PELI2: variants seen among roughly 807,000 people sequenced by gnomAD.
PELI2 encodes the protein E3 ubiquitin-protein ligase pellino homolog 2.
A neutral mutation model predicts 42.3 loss-of-function variants in PELI2; 23 were observed. That is an observed-to-expected ratio of 0.54 (90% CI 0.39 to 0.77). The LOEUF is 0.77. Among genes scored for constraint, PELI2 ranks in the 30% least tolerant of loss-of-function variants. The pLI, the probability that PELI2 is intolerant of heterozygous loss-of-function variation, is 0.00. For missense variants in PELI2, 463 were observed against 553.2 expected (o/e 0.84, Z 1.64); for synonymous variants, 245 against 212.2 (o/e 1.15, Z -1.34).
In PELI2 at chr14:56,273,031, C is replaced by G. The variant is rs769416205; in HGVS notation, c.208-6645C>G. ...AAACTACCACAGAATTTAGTGAGTT[C>G]ACAAAAACCTTCTGTTTTATTCATT... is the stretch of plus-strand genomic sequence containing the variant. On this transcript the variant is annotated intron_variant, in intron 2 of 5. Coordinates refer to ENST00000267460, the MANE Select transcript of PELI2 (RefSeq NM_021255.3). This position sits in a 1 kb window ranked among gnomAD's most constrained non-coding sequence, Gnocchi z 4.3. Among the ~76,000 whole-genome samples, 1 of 152,168 alleles carries G rather than the reference C, an allele frequency of 6.6e-6. No individual in the cohort carries two copies. Among genetic ancestry groups the G allele is most frequent in the South Asian group, 2.1e-4 (1 of 4,832 alleles).
chr14:56,148,442 A>G (rs1179594907), intron 1 of PELI2, among the ~76,000 whole-genome samples: 1 of 152,194 alleles, frequency 6.6e-6, no homozygotes, highest in Non-Finnish European at 1.5e-5. Context: ...TGCCTGCATC[A>G]GTTCCCTCTG....
At chr14:56,152,367 G>A (rs145713049) in intron 1 of PELI2, among the ~76,000 whole-genome samples, 92 of 152,266 alleles carry the variant, frequency 6.0e-4, no homozygotes, top group African/African-American at 2.0e-3. Context: ...TCTGGACAGG[G>A]CTTGACACAA....
At chr14:56,167,976 G>A (rs993720896) in intron 1 of PELI2, among the ~76,000 whole-genome samples, 3 of 152,178 alleles carry the variant, frequency 2.0e-5, no homozygotes, top group Non-Finnish European at 4.4e-5. Flanking sequence ...TCTCTGGATT[G>A]CCAGGCAGAG....
intron 2 of PELI2, among the ~76,000 whole-genome samples, chr14:56,178,829 T>C (rs767640831): frequency 1.3e-5 from 2 of 152,226 alleles, no homozygotes; most frequent in Non-Finnish European, 2.9e-5. Context: ...TGATTTGGAA[T>C]AGATGTAGTT....
chr14:56,179,939 G>T (rs1329753373), intron 2 of PELI2, among the ~76,000 whole-genome samples: 2 of 152,048 alleles, frequency 1.3e-5, no homozygotes, highest in African/African-American at 4.8e-5. Flanking sequence ...TAGAAATATT[G>T]CTTTGATTAC....
chr14:56,274,787 C>G (rs1190066677), intron 2 of PELI2, among the ~76,000 whole-genome samples: 2 of 152,184 alleles, frequency 1.3e-5, no homozygotes. Flanking sequence ...GAAGAAAATA[C>G]TTGACTCACA....
At chr14:56,200,619 G>A (rs919239074) in intron 2 of PELI2, among the ~76,000 whole-genome samples, 6 of 152,178 alleles carry the variant, frequency 3.9e-5, no homozygotes, top group Non-Finnish European at 7.4e-5. Context: ...AAATACACAC[G>A]CAGTTGTTGA....
chr14:56,247,869 G>A (rs1478387097), intron 2 of PELI2, among the ~76,000 whole-genome samples: 1 of 152,166 alleles, frequency 6.6e-6, no homozygotes, highest in Non-Finnish European at 1.5e-5. Flanking sequence ...AGTAATCTTT[G>A]CTACCCAGTC....
At chr14:56,289,847 A>C (rs956530068) in intron 4 of PELI2, among the ~76,000 whole-genome samples, 1 of 152,218 alleles carries the variant, frequency 6.6e-6, no homozygotes. Context: ...TTTCTTTATG[A>C]CTGTCCTTTC....
At chr14:56,279,264 A>G (rs909505741) in intron 2 of PELI2, among the ~76,000 whole-genome samples, 7 of 152,190 alleles carry the variant, frequency 4.6e-5, no homozygotes, top group Non-Finnish European at 8.8e-5. Flanking sequence ...GATAATCTCT[A>G]TCACCTAGGA....
At chr14:56,232,707 G>T (rs1266543721) in intron 2 of PELI2, among the ~76,000 whole-genome samples, 4 of 147,356 alleles carry the variant, frequency 2.7e-5, no homozygotes, top group Non-Finnish European at 4.5e-5. Flanking sequence ...ACAAGACAGG[G>T]ATGCCCTCTC....
intron 2 of PELI2, among the ~76,000 whole-genome samples, chr14:56,259,035 G>GT (rs1276618135): frequency 1.3e-5 from 2 of 152,084 alleles, no homozygotes; most frequent in African/African-American, 4.8e-5. Flanking sequence ...CAAGTCAGAA[G>GT]ACCATGGACC....
rs1282005652 is a variant in PELI2, at chr14:56,301,151, T to G, written c.*3985T>G. 1 of 152,678 alleles carries G rather than the reference T, an allele frequency of 6.5e-6. No homozygotes were observed. 9.5% of individuals were successfully genotyped at this position (152,678 alleles called of 1,614,324 possible). ...TCACATTTACCATGTATTGTGTTAT[T>G]AGCAGTTAAATTTTATGAATATGTT... On this transcript the variant is annotated 3_prime_UTR_variant, in exon 6 of 6. Coordinates refer to ENST00000267460, the MANE Select transcript of PELI2 (RefSeq NM_021255.3).
chr14:56,289,589 G>A (rs1290438801), intron 4 of PELI2, among the ~76,000 whole-genome samples: 3 of 152,182 alleles, frequency 2.0e-5, no homozygotes, highest in African/African-American at 7.2e-5. Flanking sequence ...GTCATGTTGG[G>A]TTAATCAGGA....
intron 1 of PELI2, among the ~76,000 whole-genome samples, chr14:56,125,817 C>A (rs539786299): frequency 2.6e-5 from 4 of 152,254 alleles, no homozygotes; most frequent in East Asian, 3.9e-4. Context: ...TGACTTCCCC[C>A]CTCCTTGGAA....
At chr14:56,266,462 TAAA>T (rs928212638) in intron 2 of PELI2, among the ~76,000 whole-genome samples, 3 of 151,814 alleles carry the variant, frequency 2.0e-5, no homozygotes, top group African/African-American at 7.3e-5. Context: ...TCATAGTAAA[TAAA>T]AAAAGAGATA....
chr14:56,223,044 G>A (rs1457857383), intron 2 of PELI2, among the ~76,000 whole-genome samples: 3 of 152,116 alleles, frequency 2.0e-5, no homozygotes, highest in African/African-American at 7.2e-5. Context: ...GGCTGCAGCC[G>A]ACCCCTGTTC....
intron 2 of PELI2, among the ~76,000 whole-genome samples, chr14:56,233,182 G>T (rs541093173): frequency 6.6e-6 from 1 of 152,254 alleles, no homozygotes; most frequent in East Asian, 1.9e-4. Context: ...TACTGCCCAA[G>T]GTAATTTATA....
chr14:56,291,300 C>A (rs1889821449), intron 5 of PELI2, among the ~76,000 whole-genome samples: 2 of 152,106 alleles, frequency 1.3e-5, no homozygotes, highest in Admixed American at 6.5e-5. Context: ...AGGATTTGAC[C>A]TAGCACTTGT....
Sources: gnomAD v4.1 joint callset for allele counts (sites outside exome capture counted in the v4.1 genomes callset) on GRCh38, gnomAD v4.1.1 for gene constraint, Gnocchi (gnomAD v3.1) non-coding constraint, MANE v1.5 for transcripts, NCBI Gene and HGNC (gene_info 2026-07-23, HGNC 2026-07-21) for gene names.